Variants in SMG1 observed in about 807,000 individuals in gnomAD.
SMG1 encodes the protein serine/threonine-protein kinase SMG1.
In SMG1, 22 loss-of-function variants were observed where a neutral mutation model predicts 419.9. That is an observed-to-expected ratio of 0.05 (90% confidence interval 0.04 to 0.07). The LOEUF (loss-of-function observed/expected upper bound fraction) is 0.07. Ranked by LOEUF, SMG1 falls within the 10% of genes least tolerant of loss-of-function variation. The probability of loss-of-function intolerance (pLI) is 1.00; values close to 1 mark genes in which losing one functional copy is unlikely to be tolerated. For missense variants in SMG1, 3,185 were observed against 4,342.0 expected (o/e 0.73, Z 7.49); for synonymous variants, 1,538 against 1,553.5 (o/e 0.99, Z 0.23).
rs985013465 is a variant in SMG1, at chr16:18,907,947, T to C, written c.93-10991A>G. ...AAGTCCTGGAAGTACCCTAGAAACATATCATTTGGCCTGGGAAATTGCCAA... is the reference window on the plus strand; with the variant it reads ...AAGTCCTGGAAGTACCCTAGAAACACATCATTTGGCCTGGGAAATTGCCAA... On this transcript the variant is annotated intron_variant, in intron 1 of 62. Transcript: ENST00000446231. Among the ~76,000 whole-genome samples the C allele has an allele frequency of 1.2e-4, 18 of 148,356 alleles. No individual in the cohort carries two copies. In the East Asian group the frequency reaches 2.8e-3, roughly 23 times the overall value.
At chr16:18,867,339 G>A (rs1036035077) in intron 22 of SMG1, among the ~76,000 whole-genome samples, 1 of 151,932 alleles carries the variant, frequency 6.6e-6, no homozygotes, top group Non-Finnish European at 1.5e-5. Flanking sequence ...TTCGAGACCA[G>A]CCTGGCCAAC....
chr16:18,855,692 G>C (rs971206051), intron 29 of SMG1, among the ~76,000 whole-genome samples: 2 of 152,012 alleles, frequency 1.3e-5, no homozygotes, highest in African/African-American at 4.8e-5. Context: ...TGGCCCATTT[G>C]CTTTTTTCTT....
chr16:18,916,802 T>C (rs1015951420), intron 1 of SMG1, among the ~76,000 whole-genome samples: 9 of 151,970 alleles, frequency 5.9e-5, no homozygotes, highest in African/African-American at 2.4e-5. Context: ...AATGACAACA[T>C]GAAAAGATAA....
intron 11 of SMG1, 158 bp from the exon 12 acceptor site, chr16:18,877,390 G>C: frequency 2.0e-6 from 1 of 503,208 alleles, no homozygotes; most frequent in Non-Finnish European, 3.6e-6. Context: ...AAACGACGGA[G>C]ACAGTAAAAA....
intron 27 of SMG1, 146 bp downstream of exon 27, chr16:18,859,409 TA>T: frequency 1.4e-6 from 1 of 690,614 alleles, no homozygotes; most frequent in Non-Finnish European, 2.4e-6. Context: ...GCAGCATTCA[TA>T]TATCATATGA....
intron 62 of SMG1, 103 bp downstream of exon 62, chr16:18,811,655 TAAG>T: frequency 9.9e-7 from 1 of 1,012,678 alleles, no homozygotes; most frequent in African/African-American, 1.6e-5. Flanking sequence ...AAAACACATT[TAAG>T]TTCCTTGATG....
At chr16:18,838,809 A>G in intron 42 of SMG1, 120 bp from the exon 43 acceptor site, 1 of 701,386 alleles carries the variant, frequency 1.4e-6, no homozygotes, top group South Asian at 1.9e-5. Flanking sequence ...TTTAAAATAA[A>G]TCAACAAATA....
chr16:18,816,159 G>C, intron 58 of SMG1, 143 bp downstream of exon 58: 1 of 686,028 alleles, frequency 1.5e-6, no homozygotes, highest in Non-Finnish European at 2.4e-6. Flanking sequence ...GAAAACACAA[G>C]TTAACTCAGT....
chr16:18,838,536 C>T lies in SMG1; in HGVS notation c.7084+15G>A, dbSNP rs35168818. On this transcript the variant is annotated intron_variant, in intron 43 of 62. Coordinates refer to ENST00000446231, the MANE Select transcript of SMG1 (RefSeq NM_015092.5). The stretch of plus-strand genomic sequence containing the variant: ...CATTTGGCCCTCATAAATGTAAAGT[C>T]TACTTTTATATTACCTTTTTCAAAG... 0.36 allele frequency: 581,570 copies of T among 1,612,664 alleles called. 108,903 individuals carry two copies. Among genetic ancestry groups the T allele is most frequent in the Non-Finnish European group, 0.39 (457,652 of 1,178,848 alleles).
At chr16:18,875,440 A>C (rs2036069780) in intron 13 of SMG1, 1 of 152,390 alleles carries the variant, frequency 6.6e-6, no homozygotes, top group South Asian at 2.1e-4. Flanking sequence ...AATACAAAAA[A>C]ATTAGCCAGG....
chr16:18,853,858 G>T lies in SMG1; in HGVS notation c.4493C>A (p.Thr1498Lys), dbSNP rs909230139. The T allele has an allele frequency of 7.5e-6, 12 of 1,609,912 alleles. No homozygotes were observed. Among genetic ancestry groups the T allele is most frequent in the South Asian group, 1.1e-5 (1 of 90,566 alleles). The change falls in exon 31 of 63, where the codon ACA (threonine) becomes AAA (lysine). Residue 1498 changes from threonine (T) to lysine (K), a missense_variant. This residue lies in a region of SMG1 where 493 missense variants were observed against 552.9 expected (regional missense o/e 0.89). Coordinates refer to ENST00000446231, the MANE Select transcript of SMG1 (RefSeq NM_015092.5). ...AGAACTCAACATTTCCATTGCATGT[G>T]TTGACTGGCCTACAGAAAACCACAA... is the stretch of plus-strand genomic sequence containing the variant. Reference protein sequence around the residue: ...TKLLYTAGQSTHAMEMLSSCA... With the variant: ...TKLLYTAGQSKHAMEMLSSCA...
rs1423048278 is a variant in SMG1 at position 18,808,743 on chromosome 16, T to C, written c.*826A>G. The C allele has an allele frequency of 6.6e-6, 1 of 152,604 alleles. No homozygotes were observed. Among genetic ancestry groups the C allele is most frequent in the Non-Finnish European group, 1.5e-5 (1 of 68,026 alleles). 9.5% of individuals were successfully genotyped at this position (152,604 alleles called of 1,614,324 possible). On this transcript the variant is annotated 3_prime_UTR_variant, in exon 63 of 63. Coordinates refer to ENST00000446231, the MANE Select transcript of SMG1 (RefSeq NM_015092.5). ...ATGACTTAAATAACCGGAATTACAT[T>C]TTGTGTGTGATCATCAGACCTTTAA...
intron 10 of SMG1, among the ~76,000 whole-genome samples, chr16:18,881,406 G>T (rs879412893): frequency 6.6e-6 from 1 of 151,968 alleles, no homozygotes; most frequent in Non-Finnish European, 1.5e-5. Flanking sequence ...GCTCAAGTAC[G>T]CAACTTACTA....
At chr16:18,862,964 T>C (rs1312150546) in intron 25 of SMG1, among the ~76,000 whole-genome samples, 4 of 152,234 alleles carry the variant, frequency 2.6e-5, no homozygotes, top group East Asian at 3.8e-4. Flanking sequence ...ACCTAACTGC[T>C]TTCCTTATGG....
intron 10 of SMG1, 143 bp downstream of exon 10, chr16:18,882,022 C>T (rs1327767075): frequency 4.2e-6 from 2 of 479,448 alleles, no homozygotes; most frequent in Admixed American, 4.4e-5. Context: ...AGAAAACAGT[C>T]AGACAATATA....
intron 1 of SMG1, among the ~76,000 whole-genome samples, chr16:18,899,403 T>C (rs929528666): frequency 6.6e-6 from 1 of 152,168 alleles, no homozygotes; most frequent in African/African-American, 2.4e-5. Flanking sequence ...ATAGAGCCAC[T>C]GTCTCAGAAA....
In SMG1 at chr16:18,845,570, A is replaced by G. The variant is rs746539068; in HGVS notation, c.6078T>C (p.Ser2026=). 11 of 1,613,518 alleles carry G rather than the reference A, an allele frequency of 6.8e-6. No individual in the cohort carries two copies. Among genetic ancestry groups the G allele is most frequent in the Non-Finnish European group, 2.5e-6 (3 of 1,179,836 alleles). Residue 2026 remains serine, a synonymous_variant, in exon 39 of 63, where the codon AGT becomes AGC. Transcript: ENST00000446231. The part of the protein sequence containing the change: ...PIVFALEHVR[S]ITAAPAETPH... ...GTGTTTCTGCAGGAGCCGCTGTGAT[A>G]CTCCTCACATGCTCCAAAGCAAATA...
At chr16:18,827,943 A>C in intron 55 of SMG1, 88 bp downstream of exon 55, 1 of 1,391,318 alleles carries the variant, frequency 7.2e-7, no homozygotes, top group Non-Finnish European at 9.8e-7. Context: ...ACACAAATAG[A>C]CACACTGAAC....
rs2031919552 is a variant in SMG1, at chr16:18,815,463, T to C, written c.10491A>G (p.Lys3497=). ...EMLQEITPTL[K]ELKTQSQSIY... ...ACCTCTGACTTTGTGTTTTCAGTTC[T>C]TTCAAGGTGGGAGTGATTTCCTGGA... The change falls in exon 59 of 63, where the codon AAA becomes AAG. Residue 3497 remains lysine (K), a synonymous_variant. Transcript: ENST00000446231. 1 of 1,614,052 alleles carries C rather than the reference T, an allele frequency of 6.2e-7. No individual in the cohort carries two copies. The highest frequency in any genetic ancestry group is 8.5e-7 in the Non-Finnish European group (1 of 1,179,890).
Sources: gnomAD v4.1 joint callset for allele counts (sites outside exome capture counted in the v4.1 genomes callset) on GRCh38, gnomAD v4.1.1 for gene constraint, gnomAD v4.1.1 regional missense constraint, MANE v1.5 for transcripts, NCBI Gene and HGNC (gene_info 2026-07-23, HGNC 2026-07-21) for gene names.